The following PACRG variants were observed in gnomAD, a reference collection of about 807,000 sequenced individuals.
PACRG encodes the protein parkin coregulated gene protein.
PACRG carries 29 observed loss-of-function variants against 29.7 expected under a neutral mutation model. That is an observed-to-expected ratio of 0.98 (90% confidence interval 0.73 to 1.33). The LOEUF (loss-of-function observed/expected upper bound fraction) is 1.33. Ranked by LOEUF, PACRG falls within the 40% of genes most tolerant of loss-of-function variation. The pLI is 0.00. For missense variants in PACRG, 279 were observed against 316.2 expected, an observed-to-expected ratio of 0.88 and a Z score of 0.89; for synonymous variants, 116 against 118.7, an observed-to-expected ratio of 0.98 and a Z score of 0.15.
rs184067010 is a variant in PACRG, at chr6:162,854,046, T to A, written c.291+39765T>A. On this transcript the variant is annotated intron_variant, in intron 2 of 4. Coordinates refer to ENST00000366888, the MANE Select transcript of PACRG (RefSeq NM_001080379.2). ...GAAGGAAATATATTACTAATCTATG[T>A]CCATAAATTTTACTTCCCACATATT... 7.6e-4 allele frequency among the ~76,000 whole-genome samples: 116 copies of A among 152,114 alleles called. No homozygotes were observed. The East Asian group carries it at 0.011, about 15-fold the overall frequency.
At chr6:163,182,312 C>T (rs1281407976) in intron 4 of PACRG, among the ~76,000 whole-genome samples, 1 of 152,142 alleles carries the variant, frequency 6.6e-6, no homozygotes, top group Non-Finnish European at 1.5e-5. Context: ...CTAACAATTT[C>T]GAGGCTTTCC....
chr6:163,234,024 T>C (rs1782141831), intron 4 of PACRG, among the ~76,000 whole-genome samples: 1 of 152,074 alleles, frequency 6.6e-6, no homozygotes, highest in Non-Finnish European at 1.5e-5. Context: ...AGTGTTCAGG[T>C]CTTGGGGGAT....
Position 162,947,611 on chromosome 6 carries a change from C to CATAT in PACRG, c.292-114505_292-114502dup, listed in dbSNP as rs1170513962. ...ATATATAATCATATATATATATAAT[C>CATAT]ATATATATATATATATATATATATA... On this transcript the variant is annotated intron_variant, in intron 2 of 4. Transcript: ENST00000366888. Among the ~76,000 whole-genome samples the CATAT allele has an allele frequency of 5.7e-3, 160 of 27,962 alleles. 3 individuals are homozygous for CATAT. The highest frequency in any genetic ancestry group is 8.3e-3 in the African/African-American group (77 of 9,308). 18.3% of individuals were successfully genotyped at this position (27,962 alleles called of 152,430 possible). A position where few individuals can be genotyped will look rare whatever the true frequency, so the allele number is the denominator to read the frequency against.
rs191964287 is a variant in PACRG at position 162,769,030 on chromosome 6, A to G, written c.156+40639A>G. 6.9e-4 allele frequency among the ~76,000 whole-genome samples: 105 copies of G among 152,160 alleles called. No homozygotes were observed. The East Asian group carries it at 0.01, about 15-fold the overall frequency. On this transcript the variant is annotated intron_variant, in intron 1 of 4. Coordinates refer to ENST00000366888, the MANE Select transcript of PACRG (RefSeq NM_001080379.2). ...CATTTTTCTGTCTTAATCCAACTCT[A>G]TATTGCAAACTGAGGGCTCCCTTTT...
chr6:163,157,300 T>C (rs75975474), intron 4 of PACRG, among the ~76,000 whole-genome samples: 1,847 of 152,240 alleles, frequency 0.012, 34 homozygotes, highest in African/African-American at 0.043. Context: ...TGACCTTGAG[T>C]GGCCTTACCT....
intron 2 of PACRG, among the ~76,000 whole-genome samples, chr6:162,840,006 A>G (rs2128407078): frequency 7.9e-6 from 1 of 126,562 alleles, no homozygotes; most frequent in South Asian, 3.1e-4. Context: ...GCCTTGTAGT[A>G]TAGTTTGAAG....
intron 1 of PACRG, among the ~76,000 whole-genome samples, chr6:162,749,779 CA>C (rs970797435): frequency 9.2e-5 from 14 of 152,278 alleles, no homozygotes; most frequent in African/African-American, 3.4e-4. Context: ...CTCGGCCTCC[CA>C]AAGTGCTGGC....
intron 4 of PACRG, among the ~76,000 whole-genome samples, chr6:163,142,595 C>T (rs568025500): frequency 2.0e-5 from 3 of 152,086 alleles, no homozygotes; most frequent in Admixed American, 6.5e-5. Context: ...AAAGAAGAAT[C>T]GAAGAAGAAG....
chr6:162,843,303 A>G (rs1261540194), intron 2 of PACRG, among the ~76,000 whole-genome samples: 2 of 139,198 alleles, frequency 1.4e-5, no homozygotes, highest in East Asian at 2.3e-4. Context: ...ATTTCTTTTT[A>G]TTCTTTTTTC....
At chr6:163,199,583 G>T (rs923163300) in intron 4 of PACRG, among the ~76,000 whole-genome samples, 3 of 152,204 alleles carry the variant, frequency 2.0e-5, no homozygotes, top group Middle Eastern at 3.2e-3. Flanking sequence ...AGGCAGTGCA[G>T]CCCAGGAGGC....
chr6:163,102,906 G>T (rs1380370788), intron 4 of PACRG, among the ~76,000 whole-genome samples: 2 of 152,176 alleles, frequency 1.3e-5, no homozygotes, highest in Non-Finnish European at 2.9e-5. Flanking sequence ...TGTAGGTATT[G>T]TTACTAAATG....
At chr6:163,124,211 G>C (rs1816422603) in intron 4 of PACRG, among the ~76,000 whole-genome samples, 1 of 152,126 alleles carries the variant, frequency 6.6e-6, no homozygotes, top group Non-Finnish European at 1.5e-5. Flanking sequence ...TCACATACAT[G>C]GTTTGCAAAT....
At chr6:162,811,413 T>C (rs1159765234) in intron 1 of PACRG, among the ~76,000 whole-genome samples, 1 of 151,982 alleles carries the variant, frequency 6.6e-6, no homozygotes, top group African/African-American at 2.4e-5. Flanking sequence ...CCTCAGAAAA[T>C]ACATGTTACT....
intron 2 of PACRG, among the ~76,000 whole-genome samples, chr6:162,895,754 G>T (rs1347520572): frequency 6.6e-6 from 1 of 152,214 alleles, no homozygotes; most frequent in Non-Finnish European, 1.5e-5. Flanking sequence ...GCATCCAACA[G>T]TCTTAATTGG....
chr6:162,800,950 C>T (rs1362583622), intron 1 of PACRG, among the ~76,000 whole-genome samples: 2 of 152,114 alleles, frequency 1.3e-5, no homozygotes, highest in East Asian at 3.9e-4. Flanking sequence ...AGGGTCCAAT[C>T]CCCACACCTG....
At chr6:163,123,101 C>A (rs769200709) in intron 4 of PACRG, among the ~76,000 whole-genome samples, 1 of 152,136 alleles carries the variant, frequency 6.6e-6, no homozygotes, top group Non-Finnish European at 1.5e-5. Flanking sequence ...GGAGAAAAAC[C>A]CCGTGTGCCC....
intron 4 of PACRG, among the ~76,000 whole-genome samples, chr6:163,300,255 T>C (rs1192047418): frequency 1.3e-5 from 2 of 152,228 alleles, no homozygotes; most frequent in African/African-American, 4.8e-5. Context: ...GCTCTCAGTC[T>C]ACTCTGCAGA....
chr6:163,236,294 A>T (rs1348181297), intron 4 of PACRG, among the ~76,000 whole-genome samples: 1 of 138,868 alleles, frequency 7.2e-6, no homozygotes, highest in Non-Finnish European at 1.6e-5. Context: ...TCCTAGTGCC[A>T]CCTTGAGCTG....
chr6:163,133,648 A>G (rs902117728), intron 4 of PACRG, among the ~76,000 whole-genome samples: 3 of 152,196 alleles, frequency 2.0e-5, no homozygotes, highest in African/African-American at 7.2e-5. Flanking sequence ...TTGCCTATAA[A>G]GCAGGGCTGG....
Sources: gnomAD v4.1 joint callset for allele counts (sites outside exome capture counted in the v4.1 genomes callset) on GRCh38, gnomAD v4.1.1 for gene constraint, MANE v1.5 for transcripts, NCBI Gene and HGNC (gene_info 2026-07-23, HGNC 2026-07-21) for gene names.